MAN2A1: variants seen among roughly 807,000 people sequenced by gnomAD.
MAN2A1 encodes the protein alpha-mannosidase 2.
Under a neutral mutation model 142.6 loss-of-function variants are expected in MAN2A1, and 76 were observed. The ratio of observed to expected loss-of-function variants is 0.53; its 90% confidence interval spans 0.44 to 0.65. The LOEUF is 0.65. Among genes scored for constraint, MAN2A1 ranks in the 30% least tolerant of loss-of-function variants. MAN2A1 has a pLI of 0.00. For synonymous variants in MAN2A1, 559 were observed against 473.2 expected, an observed-to-expected ratio of 1.18 and a Z score of -2.35; for missense variants, 1,311 against 1,365.1, an observed-to-expected ratio of 0.96 and a Z score of 0.62.
intron 12 of MAN2A1, among the ~76,000 whole-genome samples, chr5:109,808,963 A>G (rs1209952056): frequency 6.6e-6 from 1 of 152,076 alleles, no homozygotes; most frequent in Non-Finnish European, 1.5e-5. Context: ...TCGGCCTCCC[A>G]AAGTGCTAGG....
At chr5:109,761,695 G>C (rs911078268) in intron 5 of MAN2A1, among the ~76,000 whole-genome samples, 6 of 151,814 alleles carry the variant, frequency 4.0e-5, no homozygotes, top group African/African-American at 1.2e-4. Flanking sequence ...AAATGAATTA[G>C]GTAGTACTGA....
intron 7 of MAN2A1, among the ~76,000 whole-genome samples, chr5:109,772,535 G>A (rs1753176850): frequency 6.6e-6 from 1 of 152,016 alleles, no homozygotes; most frequent in African/African-American, 2.4e-5. Flanking sequence ...TTTGAGACAG[G>A]TTCTCTTTCT....
intron 10 of MAN2A1, among the ~76,000 whole-genome samples, chr5:109,787,559 T>C (rs1305211406): frequency 1.3e-5 from 2 of 152,010 alleles, no homozygotes; most frequent in African/African-American, 4.8e-5. Context: ...AGAAAACATT[T>C]GGGGAGTGAT....
At position 109,704,324 on chromosome 5, in the gene MAN2A1, G is replaced by A. The variant is rs1435860895; in HGVS notation, c.136-9196G>A. The stretch of plus-strand genomic sequence containing the variant: ...AAGAGTATATTGCTTCTGCAATTTG[G>A]TAAGGTATTCTGTAGCTACGTATTT... On this transcript the variant is annotated intron_variant, in intron 1 of 21. Transcript: ENST00000261483. 3.3e-5 allele frequency among the ~76,000 whole-genome samples: 5 copies of A among 152,342 alleles called. No homozygotes were observed. In the East Asian group the frequency reaches 9.6e-4, roughly 29 times the overall value.
chr5:109,700,676 G>T (rs1007868211), intron 1 of MAN2A1, among the ~76,000 whole-genome samples: 1 of 152,182 alleles, frequency 6.6e-6, no homozygotes, highest in African/African-American at 2.4e-5. Flanking sequence ...GAATTGTAGA[G>T]TAGGCTGGGT....
chr5:109,832,484 G>A (rs1754938574), intron 16 of MAN2A1, among the ~76,000 whole-genome samples: 1 of 152,116 alleles, frequency 6.6e-6, no homozygotes, highest in African/African-American at 2.4e-5. Context: ...AGAGCAAGGG[G>A]TTGGGGGTAA....
intron 12 of MAN2A1, among the ~76,000 whole-genome samples, chr5:109,792,074 T>C (rs1753750656): frequency 6.6e-6 from 1 of 152,086 alleles, no homozygotes; most frequent in African/African-American, 2.4e-5. Context: ...TCAACTAAGA[T>C]ATAAAAAGAA....
chr5:109,767,305 TCTAA>T (rs1753018075), intron 5 of MAN2A1, among the ~76,000 whole-genome samples: 1 of 152,142 alleles, frequency 6.6e-6, no homozygotes, highest in African/African-American at 2.4e-5. Flanking sequence ...TTATTTGAAC[TCTAA>T]CTGATTAATT....
intron 12 of MAN2A1, among the ~76,000 whole-genome samples, chr5:109,793,140 TA>T (rs1753777178): frequency 6.6e-6 from 1 of 152,094 alleles, no homozygotes; most frequent in South Asian, 2.1e-4. Context: ...ACCTATAGGC[TA>T]CCTCAGTTCA....
chr5:109,750,613 G>T (rs569375801), intron 4 of MAN2A1, among the ~76,000 whole-genome samples: 1 of 152,050 alleles, frequency 6.6e-6, no homozygotes, highest in Admixed American at 6.6e-5. Flanking sequence ...CTATTATGAT[G>T]TCATTTATAT....
intron 20 of MAN2A1, among the ~76,000 whole-genome samples, chr5:109,860,160 A>G (rs1755719744): frequency 6.6e-6 from 1 of 152,016 alleles, no homozygotes; most frequent in South Asian, 2.1e-4. Context: ...TTGGTGCTTT[A>G]TTGATCTCCC....
At position 109,729,463 on chromosome 5, in the gene MAN2A1, T is replaced by G; in HGVS notation, c.657T>G (p.Leu219=). The G allele has an allele frequency of 6.3e-7, 1 of 1,595,768 alleles. No individual in the cohort carries two copies. ...TTATTTGGTCTGAGATCTCTTACCTTTCAAAGTGGTGGGATATTATAGATA... is the reference window on the plus strand; with the variant it reads ...TTATTTGGTCTGAGATCTCTTACCTGTCAAAGTGGTGGGATATTATAGATA... ...RKFIWSEISY[L]SKWWDIIDIQ... Residue 219 remains leucine, a synonymous_variant, in exon 4 of 22, where the codon CTT becomes CTG. Transcript: ENST00000261483.
chr5:109,785,552 C>T (rs1753575196), intron 10 of MAN2A1, among the ~76,000 whole-genome samples: 1 of 151,948 alleles, frequency 6.6e-6, no homozygotes, highest in African/African-American at 2.4e-5. Context: ...TAAGTTATTT[C>T]TATATTAAAG....
At chr5:109,735,024 A>C (rs2112593976) in intron 4 of MAN2A1, among the ~76,000 whole-genome samples, 1 of 152,066 alleles carries the variant, frequency 6.6e-6, no homozygotes, top group South Asian at 2.1e-4. Context: ...TTTATAGGTC[A>C]CTCATGACTT....
intron 11 of MAN2A1, 144 bp from the exon 12 acceptor site, chr5:109,789,316 C>T (rs1163323738): frequency 1.8e-6 from 1 of 555,302 alleles, no homozygotes; most frequent in Non-Finnish European, 3.1e-6. Context: ...TTTTGCTTGG[C>T]TTTAATTAGA....
intron 3 of MAN2A1, among the ~76,000 whole-genome samples, chr5:109,722,197 T>C (rs1281647548): frequency 1.3e-5 from 2 of 152,218 alleles, no homozygotes; most frequent in Non-Finnish European, 2.9e-5. Context: ...TTTAGTATTA[T>C]TAACCATAAA....
chr5:109,762,207 AC>A (rs1752871395), intron 5 of MAN2A1, among the ~76,000 whole-genome samples: 1 of 152,092 alleles, frequency 6.6e-6, no homozygotes, highest in Non-Finnish European at 1.5e-5. Context: ...CTTCTCTACA[AC>A]TTTTGTATCT....
At chr5:109,763,463 A>G (rs556667936) in intron 5 of MAN2A1, among the ~76,000 whole-genome samples, 23 of 151,266 alleles carry the variant, frequency 1.5e-4, no homozygotes, top group Non-Finnish European at 2.7e-4. Context: ...CTTATGAATT[A>G]GTGTCCTTGG....
intron 7 of MAN2A1, 136 bp downstream of exon 7, chr5:109,770,677 A>T (rs1753122513): frequency 6.6e-6 from 5 of 763,140 alleles, no homozygotes; most frequent in Non-Finnish European, 1.0e-5. Flanking sequence ...AACCAGATCT[A>T]AAGCAACTTA....
Sources: gnomAD v4.1 joint callset for allele counts (sites outside exome capture counted in the v4.1 genomes callset) on GRCh38, gnomAD v4.1.1 for gene constraint, MANE v1.5 for transcripts, NCBI Gene and HGNC (gene_info 2026-07-23, HGNC 2026-07-21) for gene names.